The following NPIPB2 variants were observed in gnomAD, a reference collection of about 807,000 sequenced individuals.
The protein encoded by NPIPB2 is nuclear pore complex interacting protein family member B2.
A neutral mutation model predicts 30.8 loss-of-function variants in NPIPB2; 27 were observed. The observed-to-expected ratio is 0.88, with a 90% CI of 0.65 to 1.21. The LOEUF (loss-of-function observed/expected upper bound fraction) is 1.21, where lower values mean the gene tolerates loss of function less well. Ranked by LOEUF, NPIPB2 falls within the 50% of genes most tolerant of loss-of-function variation. The pLI is 0.00. For synonymous variants in NPIPB2, 147 were observed against 162.0 expected, an observed-to-expected ratio of 0.91 and a Z score of 0.70; for missense variants, 440 against 446.2, an observed-to-expected ratio of 0.99 and a Z score of 0.13.
intron 1 of NPIPB2, among the ~76,000 whole-genome samples, chr16:11,966,723 G>A (rs2055197096): frequency 6.6e-6 from 1 of 152,152 alleles, no homozygotes; most frequent in South Asian, 2.1e-4. Context: ...CTATGGTCAT[G>A]TTTTTATACA....
intron 4 of NPIPB2, 52 bp downstream of exon 4, chr16:11,933,465 T>C (rs959195282): frequency 2.3e-5 from 37 of 1,595,196 alleles, no homozygotes; most frequent in Non-Finnish European, 3.1e-5. Flanking sequence ...AGTTGTCTAC[T>C]TTGATTGGCA....
chr16:11,943,821 AC>A (rs1442576694), upstream of NPIPB2, among the ~76,000 whole-genome samples: 1 of 150,632 alleles, frequency 6.6e-6, no homozygotes, highest in Non-Finnish European at 1.5e-5. Context: ...ACATGGTGAA[AC>A]CCCGTCTCTA....
chr16:11,961,644 G>A (rs963219195), intron 1 of NPIPB2, among the ~76,000 whole-genome samples: 1 of 151,820 alleles, frequency 6.6e-6, no homozygotes, highest in African/African-American at 2.4e-5. Flanking sequence ...GCCAGGCCTG[G>A]AGGCACGCAC....
intron 2 of NPIPB2, among the ~76,000 whole-genome samples, chr16:11,934,857 CAA>C (rs200493261): frequency 0.078 from 7,564 of 97,190 alleles, 244 homozygotes; most frequent in East Asian, 0.16. Context: ...GACTCTGTCT[CAA>C]AAAAAAAAAA....
chr16:11,945,130 T>C (rs1444675148), upstream of NPIPB2, among the ~76,000 whole-genome samples: 1 of 152,008 alleles, frequency 6.6e-6, no homozygotes, highest in Non-Finnish European at 1.5e-5. Context: ...GAGGTTGCGG[T>C]GGCCGAGATC....
intron 1 of NPIPB2, among the ~76,000 whole-genome samples, chr16:11,976,152 C>T (rs1246484959): frequency 1.3e-5 from 2 of 152,126 alleles, no homozygotes; most frequent in African/African-American, 4.8e-5. Flanking sequence ...CCCTCTCGAA[C>T]TCCTGACCTC....
At chr16:11,967,783 A>G in intron 1 of NPIPB2, 2 of 1,614,216 alleles carry the variant, frequency 1.2e-6, no homozygotes, top group Non-Finnish European at 1.7e-6. Context: ...ACGAATGACT[A>G]TTGCAAGAGC....
intron 1 of NPIPB2, among the ~76,000 whole-genome samples, chr16:11,940,622 A>T (rs2054924414): frequency 6.9e-6 from 1 of 145,424 alleles, no homozygotes; most frequent in South Asian, 2.2e-4. Flanking sequence ...AAAATACAAA[A>T]ATTAGCCAGG....
chr16:11,927,296 A>C (rs923449320), downstream of NPIPB2: 5 of 730,642 alleles, frequency 6.8e-6, no homozygotes, highest in Non-Finnish European at 1.2e-5. Flanking sequence ...ATTCTTTGTT[A>C]GTTTGTTTTT....
At chr16:11,969,514 C>T (rs11570168) in intron 1 of NPIPB2, among the ~76,000 whole-genome samples, 227 of 152,338 alleles carry the variant, frequency 1.5e-3, no homozygotes, top group African/African-American at 5.3e-3. Flanking sequence ...CTTGGCCTCC[C>T]AATGTGCTGG....
At chr16:11,966,375 C>T (rs1394286111) in intron 1 of NPIPB2, 6 of 1,596,784 alleles carry the variant, frequency 3.8e-6, no homozygotes, top group Non-Finnish European at 5.1e-6. Flanking sequence ...AAATCTATTT[C>T]CAGGGGATGG....
At chr16:11,937,668 C>T (rs774691218) in exon 2 of NPIPB2, 3 of 1,598,404 alleles carry the variant, frequency 1.9e-6, no homozygotes, top group Admixed American at 1.7e-5. Flanking sequence ...GTATTGATAA[C>T]CTGGAATAAT....
At chr16:11,967,496 T>C (rs1408742382) in intron 1 of NPIPB2, 38 of 1,441,414 alleles carry the variant, frequency 2.6e-5, no homozygotes, top group African/African-American at 5.7e-5. Context: ...TGAGTCCCGA[T>C]GTGTACTGCT....
chr16:11,976,352 C>A (rs891270228), intron 1 of NPIPB2, among the ~76,000 whole-genome samples: 1 of 152,254 alleles, frequency 6.6e-6, no homozygotes, highest in African/African-American at 2.4e-5. Flanking sequence ...TCATCCAGGT[C>A]TGGGCTCAGA....
upstream of NPIPB2, among the ~76,000 whole-genome samples, chr16:11,942,897 C>T (rs1022315983): frequency 3.3e-5 from 5 of 151,954 alleles, no homozygotes; most frequent in African/African-American, 4.8e-5. Context: ...AAAACCACTG[C>T]TTTAAATCCC....
chr16:11,970,202 T>C (rs1045240829), intron 1 of NPIPB2, among the ~76,000 whole-genome samples: 4 of 151,896 alleles, frequency 2.6e-5, no homozygotes, highest in Non-Finnish European at 5.9e-5. Flanking sequence ...TTCCAGTCTT[T>C]ATTTTTATTC....
chr16:11,939,194 G>C (rs2054905961), intron 1 of NPIPB2, among the ~76,000 whole-genome samples: 1 of 48,904 alleles, frequency 2.0e-5, no homozygotes, highest in Admixed American at 3.1e-4. Context: ...TTAAATCTCA[G>C]CATAAGTAAA....
intron 1 of NPIPB2, among the ~76,000 whole-genome samples, chr16:11,974,999 C>T (rs1481315932): frequency 6.6e-6 from 1 of 151,394 alleles, no homozygotes; most frequent in Non-Finnish European, 1.5e-5. Flanking sequence ...CACTTGAACC[C>T]GGGAGGTGGA....
At chr16:11,942,778 C>G (rs1408434817), upstream of NPIPB2, among the ~76,000 whole-genome samples, 2 of 151,744 alleles carry the variant, frequency 1.3e-5, no homozygotes, top group East Asian at 1.9e-4. Context: ...CCAGGACAGA[C>G]CCCCACTGTC....
Sources: allele counts gnomAD v4.1 joint callset (sites outside exome capture counted in the v4.1 genomes callset), GRCh38; gene constraint gnomAD v4.1.1; transcripts MANE v1.5; gene names NCBI Gene and HGNC (gene_info 2026-07-23, HGNC 2026-07-21).